FERRY3: variants seen among roughly 807,000 people sequenced by gnomAD.
FERRY3 encodes protein C12orf4.
At chr12:4,511,727 C>T in the FERRY3 span, among the ~76,000 whole-genome samples, 384 of 146,932 alleles carry the variant, frequency 2.6e-3, 2 homozygotes, top group Middle Eastern at 0.014. Flanking sequence ...ATCTCTGGGA[C>T]GCATTCAAAG....
At chr12:4,507,055 T>C in the FERRY3 span, among the ~76,000 whole-genome samples, 1 of 152,180 alleles carries the variant, frequency 6.6e-6, no homozygotes, top group Admixed American at 6.5e-5. Context: ...CGCACTGCCT[T>C]AGCCGTATGT....
At chr12:4,537,586 C>T in the FERRY3 span, among the ~76,000 whole-genome samples, 1 of 151,966 alleles carries the variant, frequency 6.6e-6, no homozygotes. Context: ...ATAAAAAAAA[C>T]TCAAAGGACT....
the FERRY3 span, among the ~76,000 whole-genome samples, chr12:4,524,782 T>C: frequency 1.3e-5 from 2 of 152,312 alleles, no homozygotes; most frequent in East Asian, 3.9e-4. Flanking sequence ...TTATAATTTA[T>C]GAGAAATCCT....
At chr12:4,517,205 C>T in the FERRY3 span, 2 of 1,518,548 alleles carry the variant, frequency 1.3e-6, no homozygotes, top group Non-Finnish European at 8.8e-7. Context: ...GGACCCAAAA[C>T]ATTTACAAAC....
the FERRY3 span, chr12:4,490,498 G>A: frequency 1.3e-6 from 2 of 1,544,116 alleles, no homozygotes; most frequent in South Asian, 1.2e-5. Flanking sequence ...TTAAATTGGG[G>A]TGAGATCTAT....
chr12:4,514,610 T>C, the FERRY3 span, among the ~76,000 whole-genome samples: 10 of 151,230 alleles, frequency 6.6e-5, no homozygotes, highest in African/African-American at 1.9e-4. Context: ...ATGGATGAAA[T>C]TGGAAATCAT....
chr12:4,498,221 T>C, the FERRY3 span, among the ~76,000 whole-genome samples: 566 of 152,304 alleles, frequency 3.7e-3, 6 homozygotes, highest in African/African-American at 0.012. Flanking sequence ...TTTGAGGCTG[T>C]TTCCCACCTA....
the FERRY3 span, chr12:4,489,949 T>A: frequency 5.7e-6 from 7 of 1,221,810 alleles, no homozygotes; most frequent in Admixed American, 7.5e-5. Flanking sequence ...TCATTGATTT[T>A]AAAAATAATT....
At chr12:4,491,273 G>C in the FERRY3 span, 1 of 1,545,616 alleles carries the variant, frequency 6.5e-7, no homozygotes, top group East Asian at 2.3e-5. Context: ...GTTTTTGATA[G>C]AACTTTGTAT....
At chr12:4,500,195 A>G in the FERRY3 span, 2 of 1,614,104 alleles carry the variant, frequency 1.2e-6, no homozygotes, top group Non-Finnish European at 1.7e-6. Context: ...TGTCATGGGT[A>G]CAGCAAACTT....
chr12:4,520,451 T>C, the FERRY3 span, among the ~76,000 whole-genome samples: 2 of 152,212 alleles, frequency 1.3e-5, no homozygotes, highest in African/African-American at 2.4e-5. Flanking sequence ...AGCAAAAGTA[T>C]GGAGGCAGAC....
At chr12:4,491,759 A>G in the FERRY3 span, among the ~76,000 whole-genome samples, 1 of 152,346 alleles carries the variant, frequency 6.6e-6, no homozygotes, top group Admixed American at 6.5e-5. Context: ...AACACTGATA[A>G]TCTTCCACAG....
At chr12:4,510,609 G>C in the FERRY3 span, among the ~76,000 whole-genome samples, 1 of 151,394 alleles carries the variant, frequency 6.6e-6, no homozygotes, top group Non-Finnish European at 1.5e-5. Flanking sequence ...TTAAAGAAAA[G>C]AATCTTCAAC....
chr12:4,509,268 T>C, the FERRY3 span: 11 of 160,564 alleles, frequency 6.9e-5, no homozygotes, highest in Non-Finnish European at 1.3e-4. Flanking sequence ...GTCTCGCTGA[T>C]TGCTAGCACA....
chr12:4,497,575 T>C, the FERRY3 span, among the ~76,000 whole-genome samples: 1 of 152,178 alleles, frequency 6.6e-6, no homozygotes, highest in Non-Finnish European at 1.5e-5. Flanking sequence ...AATAATTTGG[T>C]AAGCCCCAAA....
the FERRY3 span, chr12:4,500,468 C>T: frequency 1.3e-6 from 1 of 774,990 alleles, no homozygotes; most frequent in Non-Finnish European, 2.1e-6. Context: ...CAAACATTTA[C>T]TGGATTCAGG....
the FERRY3 span, among the ~76,000 whole-genome samples, chr12:4,513,834 GC>G: frequency 2.1e-4 from 32 of 152,146 alleles, no homozygotes; most frequent in African/African-American, 7.2e-4. Flanking sequence ...ATAGGCATGG[GC>G]AAGGACTTCA....
chr12:4,525,995 G>C, the FERRY3 span, among the ~76,000 whole-genome samples: 1 of 152,178 alleles, frequency 6.6e-6, no homozygotes, highest in Non-Finnish European at 1.5e-5. Flanking sequence ...TTCAACCTCT[G>C]AAAGTTAGTT....
chr12:4,493,264 C>G, the FERRY3 span, among the ~76,000 whole-genome samples: 1 of 152,068 alleles, frequency 6.6e-6, no homozygotes, highest in African/African-American at 2.4e-5. Flanking sequence ...TTTATTCTTT[C>G]TCTTCTTGAT....
Sources: gnomAD v4.1 joint callset for allele counts (sites outside exome capture counted in the v4.1 genomes callset) on GRCh38, gnomAD v4.1.1 for gene constraint, MANE v1.5 for transcripts, NCBI Gene and HGNC (gene_info 2026-07-23, HGNC 2026-07-21) for gene names.